The following PCDH9 variants were observed in gnomAD, a reference collection of about 807,000 sequenced individuals.
PCDH9 encodes protocadherin-9.
PCDH9 carries 24 observed loss-of-function variants against 70.6 expected under a neutral mutation model. The observed-to-expected ratio is 0.34, with a 90% CI of 0.25 to 0.48. The LOEUF is 0.48. Ranked by LOEUF, PCDH9 falls within the 20% of genes least tolerant of loss-of-function variation. The probability of loss-of-function intolerance (pLI) is 0.99; values close to 1 mark genes in which losing one functional copy is unlikely to be tolerated. For synonymous variants in PCDH9, 562 were observed against 558.5 expected, an observed-to-expected ratio of 1.01 and a Z score of -0.09; for missense variants, 1,281 against 1,503.6, an observed-to-expected ratio of 0.85 and a Z score of 2.45.
At chr13:66,747,377 AAACAAAACAAAACAAAAC>A (rs2079386014) in intron 3 of PCDH9, among the ~76,000 whole-genome samples, 1 of 38,152 alleles carries the variant, frequency 2.6e-5, no homozygotes, top group Admixed American at 3.1e-4. Flanking sequence ...AAACAAAACA[AAACAAAACAAAACAAAAC>A]ACAAAAAGCA....
intron 3 of PCDH9, among the ~76,000 whole-genome samples, chr13:66,703,291 C>A (rs1281125954): frequency 6.6e-6 from 1 of 152,170 alleles, no homozygotes; most frequent in Non-Finnish European, 1.5e-5. Flanking sequence ...ATTGTCCTTC[C>A]CTCTCACTAG....
chr13:67,183,333 T>C (rs2088665878), intron 2 of PCDH9, among the ~76,000 whole-genome samples: 1 of 152,146 alleles, frequency 6.6e-6, no homozygotes, highest in Admixed American at 6.5e-5. Context: ...TAGGTAAATA[T>C]ATTTTTGAAA....
chr13:66,808,509 A>G (rs548555388), intron 3 of PCDH9, among the ~76,000 whole-genome samples: 1 of 130,082 alleles, frequency 7.7e-6, no homozygotes, highest in African/African-American at 2.6e-5. Context: ...GCTAAAGTAA[A>G]ACAAAACAAA....
At chr13:66,957,410 C>T (rs1257052508) in intron 2 of PCDH9, among the ~76,000 whole-genome samples, 2 of 152,090 alleles carry the variant, frequency 1.3e-5, no homozygotes. Flanking sequence ...ACCTCATTGA[C>T]GTTTTTGACA....
intron 2 of PCDH9, among the ~76,000 whole-genome samples, chr13:67,164,275 G>T (rs2088044083): frequency 6.6e-6 from 1 of 152,054 alleles, no homozygotes; most frequent in African/African-American, 2.4e-5. Flanking sequence ...GAAATTAGCA[G>T]AAGTATTAAG....
At chr13:66,420,210 C>T (rs1362562168) in intron 4 of PCDH9, among the ~76,000 whole-genome samples, 1 of 152,180 alleles carries the variant, frequency 6.6e-6, no homozygotes, top group Non-Finnish European at 1.5e-5. Context: ...CTCCCTGGGA[C>T]AGAGCACCGA....
chr13:67,035,261 T>C (rs1318284259), intron 2 of PCDH9, among the ~76,000 whole-genome samples: 1 of 152,198 alleles, frequency 6.6e-6, no homozygotes, highest in African/African-American at 2.4e-5. Flanking sequence ...CAAAAGTTCA[T>C]ATCAAGGTTT....
chr13:67,145,103 T>C (rs1229417188), intron 2 of PCDH9, among the ~76,000 whole-genome samples: 2 of 152,126 alleles, frequency 1.3e-5, no homozygotes, highest in Non-Finnish European at 2.9e-5. Context: ...TCCTTTCTTT[T>C]TCTTCCTAAC....
chr13:67,036,135 A>G (rs182876101), intron 2 of PCDH9, among the ~76,000 whole-genome samples: 1 of 152,212 alleles, frequency 6.6e-6, no homozygotes, highest in Admixed American at 6.5e-5. Context: ...ACAAACAAAC[A>G]AAAAACATAA....
At position 67,227,120 on chromosome 13, in the gene PCDH9, C is replaced by A; in HGVS notation, c.1321G>T (p.Ala441Ser). The A allele has an allele frequency of 1.9e-6, 3 of 1,613,874 alleles. No individual in the cohort carries two copies. Among genetic ancestry groups the A allele is most frequent in the Non-Finnish European group, 2.5e-6 (3 of 1,179,854 alleles). Residue 441 changes from alanine (A) to serine (S), a missense_variant, in exon 2 of 5, where the codon GCC becomes TCC. Transcript: ENST00000377865. This position sits in a 1 kb window ranked among gnomAD's most constrained non-coding sequence, Gnocchi z 4.6. ...GTKEFSFKIV[A>S]SDSGKPSLNQ... is the part of the protein sequence containing the mutation. ...AAACTGGGCTTCCCAGAATCAGAGG[C>A]AACAATTTTAAAGCTGAATTCTTTG...
At chr13:66,312,707 A>T (rs1246488200) in intron 4 of PCDH9, among the ~76,000 whole-genome samples, 1 of 152,204 alleles carries the variant, frequency 6.6e-6, no homozygotes. Flanking sequence ...ATGTAAATAA[A>T]AATCTAGTGG....
chr13:66,430,676 A>T (rs1431363837), intron 4 of PCDH9, among the ~76,000 whole-genome samples: 1 of 152,026 alleles, frequency 6.6e-6, no homozygotes. Context: ...GGATAACAGT[A>T]AACAATTTTT....
intron 3 of PCDH9, among the ~76,000 whole-genome samples, chr13:66,645,480 A>G (rs991267009): frequency 1.2e-4 from 18 of 152,172 alleles, no homozygotes; most frequent in African/African-American, 3.9e-4. Context: ...TGCGAGAGAC[A>G]TTCATATTAA....
intron 2 of PCDH9, among the ~76,000 whole-genome samples, chr13:67,046,970 T>A (rs2085233723): frequency 6.6e-6 from 1 of 152,152 alleles, no homozygotes; most frequent in Admixed American, 6.5e-5. Context: ...TAGAAAATAT[T>A]CCGATAGAAC....
intron 4 of PCDH9, among the ~76,000 whole-genome samples, chr13:66,458,762 C>T (rs1488535885): frequency 6.6e-6 from 1 of 152,022 alleles, no homozygotes; most frequent in African/African-American, 2.4e-5. Context: ...CTTACCAAAC[C>T]TTTCCTATGA....
chr13:67,151,582 A>G (rs980396274), intron 2 of PCDH9, among the ~76,000 whole-genome samples: 1 of 152,166 alleles, frequency 6.6e-6, no homozygotes, highest in Non-Finnish European at 1.5e-5. Context: ...ACACTGTTAG[A>G]GTTAGAAGAT....
At chr13:66,895,765 T>C (rs1488968819) in intron 3 of PCDH9, among the ~76,000 whole-genome samples, 1 of 152,256 alleles carries the variant, frequency 6.6e-6, no homozygotes, top group East Asian at 1.9e-4. Context: ...CCAACAGATA[T>C]TGATTTACAC....
chr13:66,446,401 T>C (rs2138416481), intron 4 of PCDH9, among the ~76,000 whole-genome samples: 1 of 152,174 alleles, frequency 6.6e-6, no homozygotes, highest in South Asian at 2.1e-4. Flanking sequence ...TGCCAATGTA[T>C]AGCAATTCCA....
Position 66,704,163 on chromosome 13 carries a change from C to A in PCDH9, c.3139-72752G>T, listed in dbSNP as rs10492475. Among the ~76,000 whole-genome samples, 7 of 151,988 alleles carry A rather than the reference C, an allele frequency of 4.6e-5. No homozygotes were observed. The East Asian group carries it at 1.4e-3, about 29-fold the overall frequency. ...CATGTAGCTCTCATATAGAAACTAA[C>A]ATTGTGAATAGATACGTAACCTTGA... On this transcript the variant is annotated intron_variant, in intron 3 of 4. Coordinates refer to ENST00000377865, the MANE Select transcript of PCDH9 (RefSeq NM_203487.3).
Sources: gnomAD v4.1 joint callset for allele counts (sites outside exome capture counted in the v4.1 genomes callset) on GRCh38, gnomAD v4.1.1 for gene constraint, Gnocchi (gnomAD v3.1) non-coding constraint, MANE v1.5 for transcripts, NCBI Gene and HGNC (gene_info 2026-07-23, HGNC 2026-07-21) for gene names.